The following SLC6A7 variants were observed in gnomAD, a reference collection of about 807,000 sequenced individuals.
The protein encoded by SLC6A7 is sodium-dependent proline transporter.
Under a neutral mutation model 73.1 loss-of-function variants are expected in SLC6A7, and 58 were observed. The observed-to-expected ratio is 0.79, with a 90% CI of 0.64 to 0.99. The LOEUF (loss-of-function observed/expected upper bound fraction) is 0.99. SLC6A7 is among the 50% of genes least tolerant of loss of function. SLC6A7 has a pLI of 0.00. For synonymous variants in SLC6A7, 338 were observed against 338.7 expected (o/e 1.00, Z 0.02); for missense variants, 783 against 831.4 (o/e 0.94, Z 0.72).
intron 12 of SLC6A7, 75 bp from the exon 13 acceptor site, chr5:150,205,381 C>G: frequency 7.8e-7 from 1 of 1,288,102 alleles, no homozygotes; most frequent in Non-Finnish European, 1.1e-6. Context: ...TGGGCTGGCA[C>G]TAGGCTGGGC....
intron 4 of SLC6A7, among the ~76,000 whole-genome samples, chr5:150,198,002 C>G (rs1460366511): frequency 6.9e-6 from 1 of 143,966 alleles, no homozygotes; most frequent in African/African-American, 2.6e-5. Context: ...ATTTTATGGT[C>G]AATAAAACAA....
Position 150,204,539 on chromosome 5 carries a change from T to G in SLC6A7, c.1340T>G (p.Met447Arg), listed in dbSNP as rs1407002836. 17 of 1,613,202 alleles carry G rather than the reference T, an allele frequency of 1.1e-5. No homozygotes were observed. The highest frequency in any genetic ancestry group is 1.4e-5 in the Non-Finnish European group (16 of 1,179,250). Reference sequence around the variant, plus strand: ...ACTGTGCTTGTGTTTTAGGGGGGCATGTACTGGCTGGTCCTTCTGGATGAC... The same window carrying G: ...ACTGTGCTTGTGTTTTAGGGGGGCAGGTACTGGCTGGTCCTTCTGGATGAC... ...MGLILTTDGGMYWLVLLDDYS... is the reference protein window; with the variant it reads ...MGLILTTDGGRYWLVLLDDYS... Residue 447 changes from methionine (M) to arginine (R), a missense_variant, in exon 11 of 14, where the codon ATG (methionine) becomes AGG (arginine). Coordinates refer to ENST00000230671, the MANE Select transcript of SLC6A7 (RefSeq NM_014228.5).
intron 13 of SLC6A7, among the ~76,000 whole-genome samples, chr5:150,208,597 A>G (rs1386798465): frequency 1.3e-5 from 2 of 152,192 alleles, no homozygotes; most frequent in African/African-American, 4.8e-5. Context: ...CTGTGCTGTG[A>G]GTACCGAGCT....
chr5:150,195,046 T>A, intron 2 of SLC6A7, 135 bp downstream of exon 2: 1 of 693,188 alleles, frequency 1.4e-6, no homozygotes, highest in Non-Finnish European at 2.5e-6. Flanking sequence ...TGGTTTATAG[T>A]AACTTGGGGC....
intron 1 of SLC6A7, among the ~76,000 whole-genome samples, chr5:150,192,051 AGGTTGCTACCTCCT>A (rs1252530145): frequency 6.6e-6 from 1 of 151,766 alleles, no homozygotes; most frequent in Non-Finnish European, 1.5e-5. Context: ...GGTTGGTTCT[AGGTTGCTACCTCCT>A]CTCAGGGTCC....
intron 1 of SLC6A7, among the ~76,000 whole-genome samples, chr5:150,192,568 G>T: frequency 6.6e-6 from 1 of 152,230 alleles, no homozygotes; most frequent in Non-Finnish European, 1.5e-5. Flanking sequence ...AGCCTCCTGG[G>T]ATTCACCCCA....
chr5:150,204,944 G>T lies in SLC6A7; in HGVS notation c.1533+17G>T, dbSNP rs768154547. On this transcript the variant is annotated intron_variant, in intron 12 of 13. Coordinates refer to ENST00000230671, the MANE Select transcript of SLC6A7 (RefSeq NM_014228.5). ...ACGCTCTTGGTAACTGGGGAGGGCG[G>T]GAGGGTTTCTGGCTGGGGCCCCAGA... is the stretch of plus-strand genomic sequence containing the variant. 2.9e-6 allele frequency: 4 copies of T among 1,358,412 alleles called. No homozygotes were observed. Among genetic ancestry groups the T allele is most frequent in the South Asian group, 1.2e-5 (1 of 85,784 alleles). The allele number at this position is 1,358,412 out of a possible 1,614,324, so 84.1% of individuals were successfully genotyped here.
chr5:150,206,805 G>T (rs994892538), intron 13 of SLC6A7, among the ~76,000 whole-genome samples: 2 of 152,216 alleles, frequency 1.3e-5, no homozygotes, highest in Non-Finnish European at 2.9e-5. Flanking sequence ...GAGTTGCTTA[G>T]GGGGGAGGCT....
intron 1 of SLC6A7, among the ~76,000 whole-genome samples, chr5:150,194,378 G>A (rs1752918118): frequency 6.6e-6 from 1 of 151,102 alleles, no homozygotes; most frequent in Non-Finnish European, 1.5e-5. Context: ...GCGGTGTGCT[G>A]AGGTTGTACC....
intron 1 of SLC6A7, 113 bp from the exon 2 acceptor site, chr5:150,194,615 C>A: frequency 1.3e-6 from 1 of 766,284 alleles, no homozygotes; most frequent in Non-Finnish European, 2.2e-6. Context: ...ATTATCTGGA[C>A]TGAGAATGTC....
At chr5:150,200,494 A>AAAAAAAG (rs1439908141) in intron 5 of SLC6A7, among the ~76,000 whole-genome samples, 1 of 152,196 alleles carries the variant, frequency 6.6e-6, no homozygotes, top group Admixed American at 6.5e-5. Context: ...CTCCGTCTCA[A>AAAAAAAG]AAAAAAGAAA....
rs139797858 is a variant in SLC6A7 at position 150,204,622 on chromosome 5, C to T, written c.1423C>T (p.Arg475Trp). The T allele has an allele frequency of 9.9e-6, 16 of 1,610,174 alleles. No homozygotes were observed. Among genetic ancestry groups the T allele is most frequent in the South Asian group, 4.4e-5 (4 of 91,020 alleles). ...VVITTCLAVT[R>W]VYGIQRFCRD... ...TATCACCACGTGCCTTGCCGTGACA[C>T]GGGTGTATGGTGAGAAGAGCCGTGG... Residue 475 changes from arginine to tryptophan, a missense_variant, in exon 11 of 14, where the codon CGG (arginine) becomes TGG (tryptophan). Transcript: ENST00000230671.
chr5:150,197,076 G>A lies in SLC6A7; in HGVS notation c.384G>A (p.Leu128=), dbSNP rs1305334956. Residue 128 remains leucine, a synonymous_variant, in exon 4 of 14, where the codon TTG becomes TTA. Coordinates refer to ENST00000230671, the MANE Select transcript of SLC6A7 (RefSeq NM_014228.5). ...CAGCCATGCTGCTCATCGTGGGCTT[G>A]GTGGCCATCTACTACAACATGATCA... The part of the protein sequence containing the change: ...AGAAMLLIVG[L]VAIYYNMIIA... 7 of 1,614,106 alleles carry A rather than the reference G, an allele frequency of 4.3e-6. No homozygotes were observed. Among genetic ancestry groups the A allele is most frequent in the Non-Finnish European group, 5.9e-6 (7 of 1,180,012 alleles).
chr5:150,202,175 A>G (rs1753416051), intron 6 of SLC6A7, among the ~76,000 whole-genome samples, 172 bp from the exon 7 acceptor site: 1 of 152,144 alleles, frequency 6.6e-6, no homozygotes, highest in Non-Finnish European at 1.5e-5. Flanking sequence ...CACCGTGTAA[A>G]TGTTGGGGGA....
intron 5 of SLC6A7, 118 bp downstream of exon 5, chr5:150,199,484 A>G: frequency 1.4e-6 from 1 of 708,726 alleles, no homozygotes; most frequent in Non-Finnish European, 2.4e-6. Context: ...GCAGAGGGGA[A>G]GGGAGAGAGC....
chr5:150,209,394 G>A lies in SLC6A7; in HGVS notation c.1702-12G>A. ...GTTTCCTGTTTTCACTGCTCTCGTT[G>A]CTTTGCTGCAGCGGCTCCAACAGGC... On this transcript the variant is annotated splice_polypyrimidine_tract_variant and intron_variant, in intron 13 of 13. Coordinates refer to ENST00000230671, the MANE Select transcript of SLC6A7 (RefSeq NM_014228.5). The A allele has an allele frequency of 6.2e-7, 1 of 1,611,732 alleles. No individual in the cohort carries two copies. Among genetic ancestry groups the A allele is most frequent in the Non-Finnish European group, 8.5e-7 (1 of 1,178,898 alleles).
At chr5:150,198,755 T>G (rs1224074365) in intron 4 of SLC6A7, among the ~76,000 whole-genome samples, 1 of 148,522 alleles carries the variant, frequency 6.7e-6, no homozygotes, top group Non-Finnish European at 1.5e-5. Context: ...CAGGAGAGAA[T>G]CAGAGCCTTG....
rs144061408 is a variant in SLC6A7, at chr5:150,196,717, C to T, written c.219C>T (p.Gly73=). Reference sequence around the variant, plus strand: ...TGCTGACCACCCCGCTCCCGGCAGGCGCCTTCCTCGTGCCCTACTTCCTCA... The same window carrying T: ...TGCTGACCACCCCGCTCCCGGCAGGTGCCTTCCTCGTGCCCTACTTCCTCA... ...FPYRAYTNGG[G]AFLVPYFLML... The change falls in exon 3 of 14, where the codon GGC becomes GGT. Residue 73 remains glycine (G), a splice_region_variant and synonymous_variant. Coordinates refer to ENST00000230671, the MANE Select transcript of SLC6A7 (RefSeq NM_014228.5). 5,364 of 1,607,434 alleles carry T rather than the reference C, an allele frequency of 3.3e-3. 64 individuals carry two copies. Among genetic ancestry groups the T allele is most frequent in the Admixed American group, 0.012 (709 of 59,740 alleles).
At chr5:150,198,111 GAAAGA>G (rs1562085618) in intron 4 of SLC6A7, among the ~76,000 whole-genome samples, 22 of 90,322 alleles carry the variant, frequency 2.4e-4, no homozygotes, top group African/African-American at 1.5e-3. Context: ...AAGAAAGAAA[GAAAGA>G]GAAAGAAAGA....
Sources: gnomAD v4.1 joint callset for allele counts (sites outside exome capture counted in the v4.1 genomes callset) on GRCh38, gnomAD v4.1.1 for gene constraint, MANE v1.5 for transcripts, NCBI Gene and HGNC (gene_info 2026-07-23, HGNC 2026-07-21) for gene names.